Variants in BOP1 observed in about 807,000 individuals in gnomAD.
The protein encoded by BOP1 is BOP1 ribosomal biogenesis factor, also known as ribosome biogenesis protein BOP1.
BOP1 carries 54 observed loss-of-function variants against 82.9 expected under a neutral mutation model. The ratio of observed to expected loss-of-function variants is 0.65; its 90% CI spans 0.52 to 0.82. The LOEUF (loss-of-function observed/expected upper bound fraction) is 0.82. BOP1 is among the 40% of genes least tolerant of loss of function. The probability of loss-of-function intolerance (pLI) is 0.00; values close to 1 mark genes in which losing one functional copy is unlikely to be tolerated. For synonymous variants in BOP1, 566 were observed against 451.1 expected (o/e 1.25, Z -3.23); for missense variants, 1,170 against 1,072.0 (o/e 1.09, Z -1.28).
intron 3 of BOP1, among the ~76,000 whole-genome samples, chr8:144,269,761 G>C (rs980215206): frequency 6.6e-6 from 1 of 152,222 alleles, no homozygotes; most frequent in Non-Finnish European, 1.5e-5. Context: ...CGGGGGACAC[G>C]GACATGCAGC....
chr8:144,266,434 C>T (rs1423249574), intron 3 of BOP1: 4 of 903,114 alleles, frequency 4.4e-6, no homozygotes, highest in Non-Finnish European at 5.3e-6. Context: ...TATAAAGGCG[C>T]AGCTCGGGGC....
At chr8:144,273,840 C>T (rs997779881) in intron 3 of BOP1, among the ~76,000 whole-genome samples, 4,023 of 152,310 alleles carry the variant, frequency 0.026, 172 homozygotes, top group African/African-American at 0.091. Flanking sequence ...CCCAGCGCCT[C>T]CTCCAGGGGC....
At chr8:144,279,538 T>C (rs1845636454) in intron 2 of BOP1, among the ~76,000 whole-genome samples, 1 of 152,180 alleles carries the variant, frequency 6.6e-6, no homozygotes, top group African/African-American at 2.4e-5. Flanking sequence ...CTGGTTTAGA[T>C]GAGACCCTGG....
chr8:144,282,133 G>A (rs1042237517), intron 2 of BOP1, among the ~76,000 whole-genome samples: 1 of 152,240 alleles, frequency 6.6e-6, no homozygotes, highest in Non-Finnish European at 1.5e-5. Context: ...GGCCCGCGCT[G>A]CCGTGTGCTG....
At chr8:144,276,199 C>T in intron 3 of BOP1, 25 bp downstream of exon 3, 1 of 1,611,662 alleles carries the variant, frequency 6.2e-7, no homozygotes, top group Non-Finnish European at 8.5e-7. Context: ...CCACCCTGCC[C>T]AGTGGGAAGC....
At chr8:144,280,280 C>T (rs1237157653) in intron 2 of BOP1, among the ~76,000 whole-genome samples, 2 of 152,244 alleles carry the variant, frequency 1.3e-5, no homozygotes, top group African/African-American at 4.8e-5. Context: ...GCTCTGTGGT[C>T]CACACCCAGG....
At chr8:144,277,436 C>T (rs1845584656) in intron 2 of BOP1, among the ~76,000 whole-genome samples, 1 of 152,226 alleles carries the variant, frequency 6.6e-6, no homozygotes, top group Admixed American at 6.5e-5. Context: ...AGTTCCACAC[C>T]CGGCTGCGGT....
In BOP1 at chr8:144,264,382, C is replaced by T. The variant is rs926150063; in HGVS notation, c.821G>A (p.Arg274Gln). 4.7e-5 allele frequency: 76 copies of T among 1,602,920 alleles called. No homozygotes were observed. The highest frequency in any genetic ancestry group is 1.3e-4 in the South Asian group (12 of 91,050). The change falls in exon 7 of 16, where the codon CGA (arginine) becomes CAA (glutamine). Residue 274 changes from arginine to glutamine, a missense_variant. Arg to Gln is a conservative substitution (Grantham distance 43, BLOSUM62 1). Transcript: ENST00000569669. ...KMGWIQPRRPRDPTPSFYDLW... is the reference protein window; with the variant it reads ...KMGWIQPRRPQDPTPSFYDLW... ...GTCATAGAAGCTGGGGGTGGGGTCT[C>T]GGGGCCGGCGAGGCTGGATCCAGCC... is the stretch of plus-strand genomic sequence containing the variant.
intron 3 of BOP1, chr8:144,266,505 C>T (rs1252225131): frequency 3.0e-6 from 3 of 987,668 alleles, no homozygotes; most frequent in East Asian, 2.2e-4. Context: ...CCGCGGGGCG[C>T]AGCCGAGACC....
chr8:144,266,970 G>T, intron 3 of BOP1: 1 of 1,555,900 alleles, frequency 6.4e-7, no homozygotes, highest in East Asian at 2.5e-5. Flanking sequence ...CGCTGCGCCT[G>T]GCCTCCAGCT....
intron 2 of BOP1, among the ~76,000 whole-genome samples, chr8:144,283,794 C>T (rs187418925): frequency 5.5e-4 from 84 of 152,258 alleles, no homozygotes; most frequent in African/African-American, 1.9e-3. Context: ...CACCGCCTAG[C>T]GGAGGGACGC....
At chr8:144,273,646 C>T (rs1845527760) in intron 3 of BOP1, among the ~76,000 whole-genome samples, 1 of 152,250 alleles carries the variant, frequency 6.6e-6, no homozygotes, top group East Asian at 1.9e-4. Context: ...AGGCCGAGAG[C>T]CCCCTTGCCC....
intron 3 of BOP1, chr8:144,268,086 C>G: frequency 6.5e-7 from 1 of 1,550,248 alleles, no homozygotes. Flanking sequence ...GCCTGACACT[C>G]CTCCCTCCCC....
chr8:144,286,379 ACGCGGGCAGG>A (rs1814868790), intron 2 of BOP1, among the ~76,000 whole-genome samples: 7 of 150,076 alleles, frequency 4.7e-5, no homozygotes, highest in East Asian at 2.0e-4. Context: ...AGCACAGGAC[ACGCGGGCAGG>A]TGCATGGGCG....
At chr8:144,263,787 T>A in intron 9 of BOP1, 26 bp from the exon 10 acceptor site, 1 of 1,602,042 alleles carries the variant, frequency 6.2e-7, no homozygotes, top group Non-Finnish European at 8.5e-7. Flanking sequence ...CAGTGAGGAG[T>A]CAGACTGGGA....
At chr8:144,267,887 G>C (rs1403903681) in intron 3 of BOP1, among the ~76,000 whole-genome samples, 1 of 152,194 alleles carries the variant, frequency 6.6e-6, no homozygotes, top group Non-Finnish European at 1.5e-5. Context: ...GCACGCGCGA[G>C]CTCCTGGGGC....
chr8:144,268,229 G>A lies in BOP1; in HGVS notation c.391-3158C>T, dbSNP rs1375325454. 19 of 1,533,264 alleles carry A rather than the reference G, an allele frequency of 1.2e-5. No homozygotes were observed. In the Admixed American group the frequency reaches 3.7e-4, roughly 30 times the overall value. 95.0% of individuals were successfully genotyped at this position (1,533,264 alleles called of 1,614,324 possible). A position where few individuals can be genotyped will look rare whatever the true frequency, so the allele number is the denominator to read the frequency against. On this transcript the variant is annotated intron_variant, in intron 3 of 15. Transcript: ENST00000569669. ...TGCAGACAGCCCCCACCTTGGACCT[G>A]AGCTGGGCAAGGCCCACCGCAAGCA...
rs1017931750 is a variant in BOP1, at chr8:144,264,087, C to A, written c.1034G>T (p.Arg345Leu). Residue 345 changes from arginine (R) to leucine (L), a missense_variant, in exon 8 of 16, where the codon CGC (arginine) becomes CTC (leucine). Transcript: ENST00000569669. ...CACGGCCCGCAGGCTCGGGAACTTG[C>A]GTGGCAAAAAGCTCAGCTTCCTCTC... ...PGERKLSFLP[R>L]KFPSLRAVPA... 4 of 1,609,996 alleles carry A rather than the reference C, an allele frequency of 2.5e-6. No individual in the cohort carries two copies. The highest frequency in any genetic ancestry group is 3.4e-6 in the Non-Finnish European group (4 of 1,179,398).
rs1845285905 is a variant in BOP1 at position 144,263,578 on chromosome 8, C to T, written c.1324G>A (p.Val442Met). 6.2e-7 allele frequency: 1 copy of T among 1,603,944 alleles called. No homozygotes were observed. The highest frequency in any genetic ancestry group is 1.3e-5 in the African/African-American group (1 of 75,004). The change falls in exon 11 of 16, where the codon GTG (valine) becomes ATG (methionine). Residue 442 changes from valine (V) to methionine (M), a missense_variant. Transcript: ENST00000569669. The stretch of plus-strand genomic sequence containing the variant: ...GTCCTCACACAGCGGGCAGTGGCCA[C>T]CTCCCAGAGCCGCAGGGAGCCGTCG... ...SDDGSLRLWEVATARCVRTVP... is the reference protein window; with the variant it reads ...SDDGSLRLWEMATARCVRTVP...
Sources: allele counts gnomAD v4.1 joint callset (sites outside exome capture counted in the v4.1 genomes callset), GRCh38; gene constraint gnomAD v4.1.1; transcripts MANE v1.5; gene names NCBI Gene and HGNC (gene_info 2026-07-23, HGNC 2026-07-21).